Variants in ATP8B1 observed in about 807,000 individuals in gnomAD.
ATP8B1 encodes the protein phospholipid-transporting ATPase IC.
A neutral mutation model predicts 149.9 loss-of-function variants in ATP8B1; 80 were observed. That is an observed-to-expected ratio of 0.53 (90% confidence interval 0.45 to 0.64). ATP8B1 has a LOEUF of 0.64. ATP8B1 is among the 30% of genes least tolerant of loss of function. The pLI, the probability that ATP8B1 is intolerant of heterozygous loss-of-function variation, is 0.00. For missense variants in ATP8B1, 1,247 were observed against 1,552.6 expected, an observed-to-expected ratio of 0.80 and a Z score of 3.31; for synonymous variants, 536 against 562.8, an observed-to-expected ratio of 0.95 and a Z score of 0.67.
intron 2 of ATP8B1, among the ~76,000 whole-genome samples, chr18:57,713,157 C>CTCTCTCTTTCTT (rs1555694194): frequency 1.1e-5 from 1 of 92,098 alleles, no homozygotes; most frequent in Admixed American, 1.2e-4. Context: ...CTTGATCTTT[C>CTCTCTCTTTCTT]TCTTTCTTTC....
chr18:57,756,157 G>A (rs1249007917), intron 1 of ATP8B1, among the ~76,000 whole-genome samples: 2 of 140,784 alleles, frequency 1.4e-5, no homozygotes, highest in South Asian at 4.5e-4. Context: ...GTTACTTTAG[G>A]TAGCCATGTC....
chr18:57,731,308 AATATATATATATATATATAT>A (rs878964423), intron 2 of ATP8B1: 14 of 141,370 alleles, frequency 9.9e-5, no homozygotes, highest in African/African-American at 3.7e-4. Flanking sequence ...CCTGCCTCAA[AATATATATATATATATATAT>A]ATATATATAT....
At chr18:57,685,151 C>T (rs762075921) in intron 13 of ATP8B1, 36 bp from the exon 14 acceptor site, 1 of 1,611,030 alleles carries the variant, frequency 6.2e-7, no homozygotes, top group Admixed American at 1.7e-5. Context: ...ATTGATTCTA[C>T]ACCTATGTCC....
intron 26 of ATP8B1, among the ~76,000 whole-genome samples, chr18:57,651,351 C>T (rs1053380099): frequency 5.9e-5 from 9 of 152,058 alleles, no homozygotes; most frequent in African/African-American, 2.2e-4. Context: ...AGTGATCCAC[C>T]CATATTGGCC....
chr18:57,756,210 TACACACACAC>T lies in ATP8B1; in HGVS notation c.-25-24388_-25-24379del, dbSNP rs573321061. ...TCCACAACATATATATATATATATA[TACACACACAC>T]ACACACACACACACACATATATACA... On this transcript the variant is annotated intron_variant, in intron 1 of 27. Transcript: ENST00000648908. Among the ~76,000 whole-genome samples the T allele has an allele frequency of 6.5e-4, 71 of 109,042 alleles. 1 individual carries two copies. Among genetic ancestry groups the T allele is most frequent in the Middle Eastern group, 5.1e-3 (1 of 198 alleles). 71.5% of individuals were successfully genotyped at this position (109,042 alleles called of 152,430 possible).
chr18:57,778,482 G>C (rs900162990), intron 1 of ATP8B1, among the ~76,000 whole-genome samples: 4 of 151,740 alleles, frequency 2.6e-5, no homozygotes, highest in African/African-American at 7.3e-5. Context: ...CGCCCGCCTC[G>C]CCCTCCCAAA....
chr18:57,712,138 A>G (rs1451944949), intron 2 of ATP8B1, among the ~76,000 whole-genome samples: 1 of 151,904 alleles, frequency 6.6e-6, no homozygotes, highest in Non-Finnish European at 1.5e-5. Flanking sequence ...TAGGAACATC[A>G]AATTTAACAA....
At chr18:57,785,948 T>C (rs1448853907) in intron 1 of ATP8B1, among the ~76,000 whole-genome samples, 1 of 152,256 alleles carries the variant, frequency 6.6e-6, no homozygotes, top group Admixed American at 6.5e-5. Context: ...CTTTTCATTG[T>C]AGAGTCACTA....
At chr18:57,706,259 AAG>A (rs569415800) in intron 3 of ATP8B1, among the ~76,000 whole-genome samples, 7 of 152,332 alleles carry the variant, frequency 4.6e-5, no homozygotes, top group Middle Eastern at 3.4e-3. Flanking sequence ...AAATTTAAAA[AAG>A]AGAGAGAAAA....
intron 13 of ATP8B1, among the ~76,000 whole-genome samples, chr18:57,685,529 T>C (rs186974562): frequency 6.6e-6 from 1 of 152,284 alleles, no homozygotes; most frequent in Admixed American, 6.5e-5. Context: ...CTATTAAGTA[T>C]ATTTAAAATA....
chr18:57,755,682 C>T (rs2080070416), intron 1 of ATP8B1, among the ~76,000 whole-genome samples: 1 of 152,138 alleles, frequency 6.6e-6, no homozygotes, highest in South Asian at 2.1e-4. Flanking sequence ...AGGCAAACTC[C>T]CAAAGGGAGC....
In ATP8B1 at chr18:57,674,841, A is replaced by G. The variant is rs754573787; in HGVS notation, c.1812T>C (p.Ser604=). The G allele has an allele frequency of 1.4e-5, 23 of 1,613,914 alleles. No homozygotes were observed. The highest frequency in any genetic ancestry group is 1.9e-5 in the Non-Finnish European group (23 of 1,179,924). ...ACTCTGAGGGGGACTTACCAATGAT[A>G]GACATTCGCTTCCGGTCACTGTTGA... ...LDFNSDRKRM[S]IIVRTPEGNI... is the part of the protein sequence containing the mutation. The change falls in exon 16 of 28, where the codon TCT becomes TCC. Residue 604 remains serine (S), a synonymous_variant. Coordinates refer to ENST00000648908, the MANE Select transcript of ATP8B1 (RefSeq NM_001374385.1).
At chr18:57,756,672 T>TCTCTCTCTCTC (rs71171083) in intron 1 of ATP8B1, among the ~76,000 whole-genome samples, 2 of 151,854 alleles carry the variant, frequency 1.3e-5, no homozygotes, top group African/African-American at 4.8e-5. Context: ...TCTCTCTCTC[T>TCTCTCTCTCTC]TTTTAAAACT....
At chr18:57,767,951 A>T (rs1445521308) in intron 1 of ATP8B1, among the ~76,000 whole-genome samples, 3 of 152,200 alleles carry the variant, frequency 2.0e-5, no homozygotes, top group Non-Finnish European at 2.9e-5. Context: ...TCACTCATGA[A>T]AACACACACA....
In ATP8B1 at chr18:57,685,132, A is replaced by G. The variant is rs1912169602; in HGVS notation, c.1430-17T>C. Reference sequence around the variant, plus strand: ...GATGGTCCCCTGAGAAACAAACAGGACAAAACAAATTGATTCTACACCTAT... The same window carrying G: ...GATGGTCCCCTGAGAAACAAACAGGGCAAAACAAATTGATTCTACACCTAT... On this transcript the variant is annotated splice_polypyrimidine_tract_variant and intron_variant, in intron 13 of 27. Transcript: ENST00000648908. 2 of 1,613,978 alleles carry G rather than the reference A, an allele frequency of 1.2e-6. No homozygotes were observed. Among genetic ancestry groups the G allele is most frequent in the African/African-American group, 1.3e-5 (1 of 75,044 alleles).
At chr18:57,770,540 A>G (rs1184902163) in intron 1 of ATP8B1, among the ~76,000 whole-genome samples, 1 of 152,094 alleles carries the variant, frequency 6.6e-6, no homozygotes, top group Admixed American at 6.6e-5. Context: ...CAGCCGGCCC[A>G]CCCTCAGAAC....
chr18:57,693,896 C>A (rs1339557653), intron 11 of ATP8B1, among the ~76,000 whole-genome samples: 1 of 152,032 alleles, frequency 6.6e-6, no homozygotes, highest in Non-Finnish European at 1.5e-5. Context: ...TCATTAATTG[C>A]TGCTGGGAGA....
chr18:57,688,525 T>C lies in ATP8B1; in HGVS notation c.1221-18A>G, dbSNP rs1479129627. ...CTTCCACGCTAGGAAGACAGAAGAT[T>C]ATTTTCCGTAGAGAGCTCGGATACG... On this transcript the variant is annotated intron_variant, in intron 12 of 27. Coordinates refer to ENST00000648908, the MANE Select transcript of ATP8B1 (RefSeq NM_001374385.1). 6.2e-6 allele frequency: 10 copies of C among 1,613,234 alleles called. No homozygotes were observed. Among genetic ancestry groups the C allele is most frequent in the Middle Eastern group, 3.3e-4 (2 of 6,058 alleles).
intron 1 of ATP8B1, among the ~76,000 whole-genome samples, chr18:57,790,762 C>T (rs2080456966): frequency 6.6e-6 from 1 of 152,102 alleles, no homozygotes; most frequent in African/African-American, 2.4e-5. Flanking sequence ...GCTCTGTTGC[C>T]TAGGCTGAAG....
Sources: gnomAD v4.1 joint callset for allele counts (sites outside exome capture counted in the v4.1 genomes callset) on GRCh38, gnomAD v4.1.1 for gene constraint, MANE v1.5 for transcripts, NCBI Gene and HGNC (gene_info 2026-07-23, HGNC 2026-07-21) for gene names.